TRPS1: variants seen among roughly 807,000 people sequenced by gnomAD.
TRPS1 encodes the protein zinc finger transcription factor Trps1.
A neutral mutation model predicts 101.2 loss-of-function variants in TRPS1; 6 were observed. That is an observed-to-expected ratio of 0.06 (90% CI 0.03 to 0.12). The LOEUF (loss-of-function observed/expected upper bound fraction) is 0.12, where lower values mean the gene tolerates loss of function less well. Among genes scored for constraint, TRPS1 ranks in the 10% least tolerant of loss-of-function variants. The pLI is 1.00. For synonymous variants in TRPS1, 578 were observed against 589.8 expected, an observed-to-expected ratio of 0.98 and a Z score of 0.29; for missense variants, 1,363 against 1,567.0, an observed-to-expected ratio of 0.87 and a Z score of 2.20.
At chr8:115,599,859 A>T (rs1435940141) in intron 4 of TRPS1, among the ~76,000 whole-genome samples, 1 of 144,658 alleles carries the variant, frequency 6.9e-6, no homozygotes, top group Non-Finnish European at 1.6e-5. Flanking sequence ...TATACCCAGT[A>T]ATGGGATTGC....
At chr8:115,634,740 G>T (rs895360595) in intron 1 of TRPS1, among the ~76,000 whole-genome samples, 1 of 151,730 alleles carries the variant, frequency 6.6e-6, no homozygotes, top group Non-Finnish European at 1.5e-5. Context: ...TTTTAATCCT[G>T]TTGTAACATT....
rs1378892425 is a variant in TRPS1 at position 115,619,402 on chromosome 8, A to C, written c.696T>G (p.Leu232=). The change falls in exon 3 of 7, where the codon CTT becomes CTG. Residue 232 remains leucine, a synonymous_variant. Transcript: ENST00000395715. The part of the protein sequence containing the change: ...NPDPAPLSPE[L]QDFKCNICGY... ...CACAGATATTGCATTTAAAGTCCTGAAGCTCTGGAGACAGAGGTGCCGGGT... is the reference window on the plus strand; with the variant it reads ...CACAGATATTGCATTTAAAGTCCTGCAGCTCTGGAGACAGAGGTGCCGGGT... The C allele has an allele frequency of 1.9e-6, 3 of 1,614,048 alleles. No homozygotes were observed. The African/African-American group carries it at 4.0e-5, about 22-fold the overall frequency.
intron 4 of TRPS1, among the ~76,000 whole-genome samples, chr8:115,588,401 T>C (rs1319466483): frequency 1.3e-5 from 2 of 152,210 alleles, no homozygotes; most frequent in African/African-American, 4.8e-5. Flanking sequence ...TGAGTGTCTG[T>C]TGAGTGTCAA....
chr8:115,518,599 A>C (rs949441442), intron 5 of TRPS1, among the ~76,000 whole-genome samples: 1 of 151,810 alleles, frequency 6.6e-6, no homozygotes, highest in Non-Finnish European at 1.5e-5. Flanking sequence ...TTTTTCCTAA[A>C]GTGGAGCTTC....
At chr8:115,458,769 C>G (rs979894434) in intron 5 of TRPS1, among the ~76,000 whole-genome samples, 1 of 152,116 alleles carries the variant, frequency 6.6e-6, no homozygotes, top group African/African-American at 2.4e-5. Flanking sequence ...CTGGGGCATG[C>G]CGTGTTCATA....
chr8:115,461,251 G>GGATAGATA (rs67435707), intron 5 of TRPS1, among the ~76,000 whole-genome samples: 180 of 144,834 alleles, frequency 1.2e-3, no homozygotes, highest in Middle Eastern at 3.5e-3. Flanking sequence ...AAATAGACAA[G>GGATAGATA]GATAGATAGA....
chr8:115,565,258 C>A (rs551994729), intron 5 of TRPS1, among the ~76,000 whole-genome samples: 1 of 152,046 alleles, frequency 6.6e-6, no homozygotes, highest in Non-Finnish European at 1.5e-5. Flanking sequence ...AGAAGGCCCT[C>A]GGAAGTGGTT....
intron 4 of TRPS1, among the ~76,000 whole-genome samples, chr8:115,599,912 T>C (rs190691929): frequency 1.0e-3 from 154 of 152,260 alleles, no homozygotes; most frequent in Non-Finnish European, 2.0e-3. Context: ...TGAGGAATCA[T>C]CACATAGTCT....
chr8:115,544,203 T>C (rs1258321397), intron 5 of TRPS1, among the ~76,000 whole-genome samples: 1 of 150,326 alleles, frequency 6.7e-6, no homozygotes, highest in African/African-American at 2.5e-5. Context: ...TTGCAGCCCA[T>C]CACTAAGTAG....
chr8:115,434,923 C>T (rs1267449439), intron 5 of TRPS1, among the ~76,000 whole-genome samples: 1 of 152,192 alleles, frequency 6.6e-6, no homozygotes, highest in Admixed American at 6.5e-5. Context: ...ACTCTGCCTC[C>T]TCTTCTCTCT....
intron 2 of TRPS1, among the ~76,000 whole-genome samples, chr8:115,621,446 G>A (rs140410662): frequency 6.6e-6 from 1 of 152,212 alleles, no homozygotes; most frequent in Non-Finnish European, 1.5e-5. Context: ...CACAAGTACT[G>A]AAGTACCACA....
chr8:115,634,986 G>C (rs1040768799), intron 1 of TRPS1, among the ~76,000 whole-genome samples: 1 of 152,084 alleles, frequency 6.6e-6, no homozygotes, highest in African/African-American at 2.4e-5. Context: ...CACCAATGTA[G>C]TCCAGGTAAG....
At chr8:115,445,748 A>T (rs975900869) in intron 5 of TRPS1, among the ~76,000 whole-genome samples, 1 of 152,208 alleles carries the variant, frequency 6.6e-6, no homozygotes, top group African/African-American at 2.4e-5. Flanking sequence ...ATAAAAGGCT[A>T]AAATCGCAGA....
At chr8:115,562,285 C>G (rs780678989) in intron 5 of TRPS1, among the ~76,000 whole-genome samples, 5 of 151,994 alleles carry the variant, frequency 3.3e-5, no homozygotes, top group Non-Finnish European at 7.4e-5. Flanking sequence ...TTTCAATAGT[C>G]TCTTTACTCT....
intron 5 of TRPS1, among the ~76,000 whole-genome samples, chr8:115,555,864 CAAACAAAAA>C (rs1444041698): frequency 2.6e-5 from 2 of 76,898 alleles, no homozygotes; most frequent in African/African-American, 2.4e-4. Flanking sequence ...AACAAACAAA[CAAACAAAAA>C]AAAAAGCCAG....
intron 3 of TRPS1, among the ~76,000 whole-genome samples, chr8:115,617,401 C>G (rs1284899132): frequency 6.6e-6 from 1 of 152,170 alleles, no homozygotes; most frequent in Non-Finnish European, 1.5e-5. Flanking sequence ...CCAGCTCCTT[C>G]TACCCAAACA....
In TRPS1 at chr8:115,410,485, A is replaced by T. The variant is rs538525355; in HGVS notation, c.*3538T>A. On this transcript the variant is annotated 3_prime_UTR_variant, in exon 7 of 7. Coordinates refer to ENST00000395715, the MANE Select transcript of TRPS1 (RefSeq NM_014112.5). ...AACATCACTATCTTAAAAGTTGATT[A>T]AAAAAAATCTCAATATGTCATGTAG... 39 of 152,376 alleles carry T rather than the reference A, an allele frequency of 2.6e-4. No individual in the cohort carries two copies. The highest frequency in any genetic ancestry group is 7.9e-4 in the African/African-American group (33 of 41,514). 9.4% of individuals were successfully genotyped at this position (152,376 alleles called of 1,614,324 possible).
intron 5 of TRPS1, among the ~76,000 whole-genome samples, chr8:115,453,580 C>T (rs1014724309): frequency 1.3e-4 from 20 of 152,170 alleles, no homozygotes; most frequent in African/African-American, 4.6e-4. Flanking sequence ...AAGATGAAAA[C>T]AAGCTCAAAA....
chr8:115,543,809 CTTA>C (rs1816509748), intron 5 of TRPS1, among the ~76,000 whole-genome samples: 1 of 151,830 alleles, frequency 6.6e-6, no homozygotes, highest in African/African-American at 2.4e-5. Flanking sequence ...AATTACCTAT[CTTA>C]TACAATTCTT....
Sources: allele counts gnomAD v4.1 joint callset (sites outside exome capture counted in the v4.1 genomes callset), GRCh38; gene constraint gnomAD v4.1.1; transcripts MANE v1.5; gene names NCBI Gene and HGNC (gene_info 2026-07-23, HGNC 2026-07-21).